ADAMTS19: variants seen among roughly 807,000 people sequenced by gnomAD.
The protein encoded by ADAMTS19 is ADAM metallopeptidase with thrombospondin type 1 motif 19, also known as A disintegrin and metalloproteinase with thrombospondin motifs 19.
In ADAMTS19, 93 loss-of-function variants were observed where a neutral mutation model predicts 153.3. The observed-to-expected ratio is 0.61, with a 90% confidence interval of 0.51 to 0.72. The LOEUF is 0.72. Ranked by LOEUF, ADAMTS19 falls within the 30% of genes least tolerant of loss-of-function variation. ADAMTS19 has a pLI of 0.00. For synonymous variants in ADAMTS19, 600 were observed against 556.6 expected, an observed-to-expected ratio of 1.08 and a Z score of -1.10; for missense variants, 1,482 against 1,552.1, an observed-to-expected ratio of 0.95 and a Z score of 0.76.
intron 13 of ADAMTS19, among the ~76,000 whole-genome samples, chr5:129,649,658 T>C (rs1242137724): frequency 6.6e-6 from 1 of 152,088 alleles, no homozygotes; most frequent in East Asian, 1.9e-4. Flanking sequence ...GCGGCAGTGG[T>C]TGCACAAATC....
At chr5:129,634,626 C>T (rs1752451477) in intron 10 of ADAMTS19, among the ~76,000 whole-genome samples, 1 of 151,794 alleles carries the variant, frequency 6.6e-6, no homozygotes, top group Non-Finnish European at 1.5e-5. Flanking sequence ...AACAAGGTTG[C>T]AAACCTACAA....
At chr5:129,607,664 A>G (rs1750970405) in intron 8 of ADAMTS19, among the ~76,000 whole-genome samples, 1 of 152,170 alleles carries the variant, frequency 6.6e-6, no homozygotes, top group African/African-American at 2.4e-5. Flanking sequence ...TTTAAGATAA[A>G]CTGTATGAAA....
At chr5:129,519,763 G>A (rs983237620) in intron 3 of ADAMTS19, among the ~76,000 whole-genome samples, 5 of 152,068 alleles carry the variant, frequency 3.3e-5, no homozygotes, top group African/African-American at 9.7e-5. Flanking sequence ...TGACTCTACA[G>A]CCAATTTATA....
chr5:129,525,562 T>A (rs1173663441), intron 3 of ADAMTS19, among the ~76,000 whole-genome samples: 1 of 152,084 alleles, frequency 6.6e-6, no homozygotes, highest in Non-Finnish European at 1.5e-5. Flanking sequence ...TTCTGTCACT[T>A]GGTGGCATGA....
At chr5:129,655,343 A>G (rs1008386850) in intron 14 of ADAMTS19, among the ~76,000 whole-genome samples, 5 of 152,196 alleles carry the variant, frequency 3.3e-5, no homozygotes, top group African/African-American at 9.6e-5. Flanking sequence ...GGAAGTGGCT[A>G]CAACCTTGGG....
At chr5:129,537,761 C>T (rs2126791141) in intron 6 of ADAMTS19, among the ~76,000 whole-genome samples, 1 of 151,796 alleles carries the variant, frequency 6.6e-6, no homozygotes, top group South Asian at 2.1e-4. Flanking sequence ...GAACATCACA[C>T]ACTGGGGCCT....
chr5:129,528,993 C>T (rs1036370035), intron 6 of ADAMTS19, among the ~76,000 whole-genome samples: 11 of 152,010 alleles, frequency 7.2e-5, no homozygotes, highest in Non-Finnish European at 1.0e-4. Flanking sequence ...AAATTATGAA[C>T]GTAGACTGTA....
At chr5:129,685,803 CA>C (rs1755058851) in intron 18 of ADAMTS19, among the ~76,000 whole-genome samples, 1 of 152,066 alleles carries the variant, frequency 6.6e-6, no homozygotes, top group Admixed American at 6.5e-5. Flanking sequence ...AAGAATCAAA[CA>C]AAAAACTAGG....
At chr5:129,498,739 T>A (rs1481465312) in intron 2 of ADAMTS19, among the ~76,000 whole-genome samples, 2 of 151,922 alleles carry the variant, frequency 1.3e-5, no homozygotes, top group Non-Finnish European at 2.9e-5. Flanking sequence ...AGTTATTGCT[T>A]CAAATGCCAT....
At position 129,614,762 on chromosome 5, in the gene ADAMTS19, G is replaced by A. The variant is rs546376249; in HGVS notation, c.1479-5856G>A. On this transcript the variant is annotated intron_variant, in intron 8 of 22. Coordinates refer to ENST00000274487, the MANE Select transcript of ADAMTS19 (RefSeq NM_133638.6). ...AGTCAAATTGTCCCTGTTTGCAGAC[G>A]ACATGATTGTATATCTAGAAAACCC... Among the ~76,000 whole-genome samples, 16 of 152,178 alleles carry A rather than the reference G, an allele frequency of 1.1e-4. No individual in the cohort carries two copies. The South Asian group carries it at 2.3e-3, about 22-fold the overall frequency.
At chr5:129,666,330 TTA>T (rs1382193043) in intron 16 of ADAMTS19, among the ~76,000 whole-genome samples, 2 of 152,136 alleles carry the variant, frequency 1.3e-5, no homozygotes, top group African/African-American at 4.8e-5. Flanking sequence ...CCTAATATGA[TTA>T]TGTCAGGCAG....
intron 19 of ADAMTS19, among the ~76,000 whole-genome samples, chr5:129,698,525 T>C (rs1416842275): frequency 6.6e-6 from 1 of 152,206 alleles, no homozygotes; most frequent in East Asian, 1.9e-4. Flanking sequence ...CCTTCCAAAT[T>C]AAGTTCTAAG....
intron 6 of ADAMTS19, among the ~76,000 whole-genome samples, chr5:129,534,854 C>T: frequency 6.6e-6 from 1 of 152,090 alleles, no homozygotes; most frequent in East Asian, 1.9e-4. Flanking sequence ...GCAGAAAAGG[C>T]CTTTGACAAA....
rs897212045 is a variant in ADAMTS19 at position 129,689,018 on chromosome 5, G to A, written c.2818+4745G>A. 5.9e-5 allele frequency among the ~76,000 whole-genome samples: 9 copies of A among 152,256 alleles called. No individual in the cohort carries two copies. The South Asian group carries it at 1.9e-3, about 32-fold the overall frequency. On this transcript the variant is annotated intron_variant, in intron 18 of 22. Coordinates refer to ENST00000274487, the MANE Select transcript of ADAMTS19 (RefSeq NM_133638.6). ...TTACTCCAAAATATCTGAGGATTGT[G>A]TATGGAATCAGCATTAACTGCATAA...
In ADAMTS19 at chr5:129,734,967, T is replaced by C. The variant is rs147031272; in HGVS notation, c.3348T>C (p.Arg1116=). 577 of 1,610,100 alleles carry C rather than the reference T, an allele frequency of 3.6e-4. 1 individual carries two copies. Among genetic ancestry groups the C allele is most frequent in the Middle Eastern group, 1.6e-4 (1 of 6,062 alleles). Residue 1116 remains arginine (R), a synonymous_variant, in exon 22 of 23, where the codon CGT becomes CGC. Coordinates refer to ENST00000274487, the MANE Select transcript of ADAMTS19 (RefSeq NM_133638.6). ...CCTGTGGCAAAGGAATGCAGTCCCG[T>C]GTAATCCAATGCATGCATAAGATCA... ...SITCGKGMQS[R]VIQCMHKITG...
intron 7 of ADAMTS19, among the ~76,000 whole-genome samples, chr5:129,566,918 GAC>G (rs1753736926): frequency 6.6e-6 from 1 of 151,952 alleles, no homozygotes; most frequent in African/African-American, 2.4e-5. Context: ...CGTGGAAACA[GAC>G]ACAATTATGA....
chr5:129,532,922 G>A (rs936339866), intron 6 of ADAMTS19, among the ~76,000 whole-genome samples: 5 of 152,100 alleles, frequency 3.3e-5, no homozygotes, highest in Non-Finnish European at 7.3e-5. Context: ...TGTCAACATG[G>A]TAAAACCCTG....
intron 10 of ADAMTS19, among the ~76,000 whole-genome samples, chr5:129,637,692 A>C (rs1032342653): frequency 5.9e-5 from 9 of 152,194 alleles, no homozygotes; most frequent in African/African-American, 2.2e-4. Context: ...TAAAAGTACA[A>C]AAATTAGCGG....
chr5:129,681,598 G>T (rs145274559), intron 17 of ADAMTS19, among the ~76,000 whole-genome samples: 18 of 152,208 alleles, frequency 1.2e-4, no homozygotes, highest in African/African-American at 3.4e-4. Flanking sequence ...GCTCAGTGTT[G>T]TCCAATAAGT....
Sources: gnomAD v4.1 joint callset for allele counts (sites outside exome capture counted in the v4.1 genomes callset) on GRCh38, gnomAD v4.1.1 for gene constraint, MANE v1.5 for transcripts, NCBI Gene and HGNC (gene_info 2026-07-23, HGNC 2026-07-21) for gene names.